GRIP1: variants seen among roughly 807,000 people sequenced by gnomAD.
GRIP1 encodes glutamate receptor-interacting protein 1.
Under a neutral mutation model 129.9 loss-of-function variants are expected in GRIP1, and 45 were observed. That is an observed-to-expected ratio of 0.35 (90% CI 0.27 to 0.44). GRIP1 has a LOEUF of 0.44. GRIP1 is among the 20% of genes least tolerant of loss of function. The pLI is 1.00. For synonymous variants in GRIP1, 530 were observed against 520.8 expected (o/e 1.02, Z -0.24); for missense variants, 1,196 against 1,396.8 (o/e 0.86, Z 2.29).
intron 1 of GRIP1, among the ~76,000 whole-genome samples, chr12:66,988,000 C>G (rs2042338540): frequency 6.6e-6 from 1 of 152,158 alleles, no homozygotes; most frequent in Non-Finnish European, 1.5e-5. Flanking sequence ...AAGGTCAAGT[C>G]ATTTAGCCCC....
intron 1 of GRIP1, among the ~76,000 whole-genome samples, chr12:67,025,148 G>A (rs951495066): frequency 6.6e-6 from 1 of 152,190 alleles, no homozygotes; most frequent in Non-Finnish European, 1.5e-5. Flanking sequence ...AGACCAGCCT[G>A]GCCAACATGG....
intron 1 of GRIP1, among the ~76,000 whole-genome samples, chr12:66,975,026 T>A (rs533399512): frequency 6.6e-4 from 101 of 152,220 alleles, no homozygotes; most frequent in Non-Finnish European, 1.3e-3. Context: ...ATCTGGGGGG[T>A]CAAACTGACT....
At chr12:67,060,556 C>T (rs1158951582) in intron 1 of GRIP1, among the ~76,000 whole-genome samples, 1 of 152,072 alleles carries the variant, frequency 6.6e-6, no homozygotes, top group Admixed American at 6.5e-5. Flanking sequence ...TGTAGTGGCT[C>T]ACATCTGTAA....
intron 7 of GRIP1, among the ~76,000 whole-genome samples, chr12:66,495,522 T>C (rs769865887): frequency 6.6e-6 from 1 of 152,176 alleles, no homozygotes; most frequent in Non-Finnish European, 1.5e-5. Context: ...AAAATCTACA[T>C]GTGGAGCATG....
intron 1 of GRIP1, among the ~76,000 whole-genome samples, chr12:66,787,227 T>C (rs1471787168): frequency 3.9e-5 from 6 of 152,178 alleles, no homozygotes; most frequent in Non-Finnish European, 1.5e-5. Context: ...AATTCAGTCC[T>C]GGGGATGTGT....
At chr12:67,009,456 A>T (rs2042674080) in intron 1 of GRIP1, among the ~76,000 whole-genome samples, 1 of 152,160 alleles carries the variant, frequency 6.6e-6, no homozygotes, top group African/African-American at 2.4e-5. Flanking sequence ...ACTATCTTTT[A>T]TCATTTAGGA....
chr12:66,458,676 C>T (rs753766652), intron 9 of GRIP1, among the ~76,000 whole-genome samples: 1 of 152,210 alleles, frequency 6.6e-6, no homozygotes, highest in African/African-American at 2.4e-5. Context: ...TGAGCCACTG[C>T]GCCGGGCCTG....
chr12:66,750,039 T>C (rs2037075665), intron 1 of GRIP1, among the ~76,000 whole-genome samples: 1 of 152,178 alleles, frequency 6.6e-6, no homozygotes, highest in Non-Finnish European at 1.5e-5. Flanking sequence ...CCCAACAAAC[T>C]GGAGACAAGG....
intron 1 of GRIP1, among the ~76,000 whole-genome samples, chr12:67,054,890 T>C (rs778772731): frequency 2.6e-5 from 4 of 152,124 alleles, no homozygotes; most frequent in African/African-American, 9.7e-5. Flanking sequence ...CATAATGTGA[T>C]AGACCAGAGG....
At chr12:66,868,572 G>A (rs1252268) in intron 1 of GRIP1, among the ~76,000 whole-genome samples, 38,053 of 151,764 alleles carry the variant, frequency 0.25, 5,364 homozygotes, top group Middle Eastern at 0.32. Context: ...TTTTTCTACC[G>A]TGCCACTCCA....
rs145306487 is a variant in GRIP1, at chr12:66,697,710, C to T, written c.-419-67374G>A. On this transcript the variant is annotated intron_variant, in intron 1 of 4. Coordinates refer to the GRIP1 transcript ENST00000538373. ...TGCCTCTTTCTCTGTCCATAGACAG[C>T]TCCAAATCTGAACTAAATTCCAGGA... is the stretch of plus-strand genomic sequence containing the variant. Among the ~76,000 whole-genome samples the T allele has an allele frequency of 8.4e-3, 1,283 of 152,306 alleles. 20 individuals are homozygous for T. Among genetic ancestry groups the T allele is most frequent in the African/African-American group, 0.029 (1,185 of 41,564 alleles).
intron 10 of GRIP1, 122 bp downstream of exon 10, chr12:66,456,065 G>C: frequency 2.0e-6 from 1 of 511,074 alleles, no homozygotes; most frequent in Non-Finnish European, 3.4e-6. Context: ...TGTCAGAAAT[G>C]ATAAATTGCT....
At chr12:66,879,756 A>G (rs1031576634) in intron 1 of GRIP1, among the ~76,000 whole-genome samples, 6 of 152,116 alleles carry the variant, frequency 3.9e-5, no homozygotes, top group Non-Finnish European at 2.9e-5. Flanking sequence ...TATTTTTTAA[A>G]TTTCTTAAAC....
At chr12:66,666,230 C>T (rs1188220200) in intron 1 of GRIP1, among the ~76,000 whole-genome samples, 1 of 152,066 alleles carries the variant, frequency 6.6e-6, no homozygotes, top group African/African-American at 2.4e-5. Context: ...ATATTTTTCA[C>T]TGGAGAATCA....
intron 1 of GRIP1, among the ~76,000 whole-genome samples, chr12:67,038,087 GAC>G (rs1401504944): frequency 6.6e-6 from 1 of 152,146 alleles, no homozygotes; most frequent in Non-Finnish European, 1.5e-5. Context: ...ACTGTTGTCT[GAC>G]TATCCAATAC....
chr12:66,990,752 T>C (rs1467495272), intron 1 of GRIP1, among the ~76,000 whole-genome samples: 8 of 152,208 alleles, frequency 5.3e-5, no homozygotes, highest in East Asian at 3.9e-4. Flanking sequence ...CCCAGCACTT[T>C]AGGAGGCTGA....
chr12:66,531,054 G>A (rs113050428), intron 4 of GRIP1, among the ~76,000 whole-genome samples: 10,275 of 151,504 alleles, frequency 0.068, 440 homozygotes, highest in East Asian at 0.15. Context: ...GGCTAAGATC[G>A]TGAAACCTCA....
chr12:66,834,543 GTTAA>G (rs1566044176), intron 1 of GRIP1, among the ~76,000 whole-genome samples: 1 of 152,136 alleles, frequency 6.6e-6, no homozygotes, highest in Admixed American at 6.5e-5. Flanking sequence ...TACTTAAATA[GTTAA>G]TTAATCAATA....
chr12:66,866,969 G>A (rs2040216679), intron 1 of GRIP1, among the ~76,000 whole-genome samples: 1 of 152,052 alleles, frequency 6.6e-6, no homozygotes, highest in South Asian at 2.1e-4. Context: ...GAATAGGGCA[G>A]TTATTTCATA....
Sources: allele counts gnomAD v4.1 joint callset (sites outside exome capture counted in the v4.1 genomes callset), GRCh38; gene constraint gnomAD v4.1.1; transcripts MANE v1.5; gene names NCBI Gene and HGNC (gene_info 2026-07-23, HGNC 2026-07-21).